TUBA1C: variants seen among roughly 807,000 people sequenced by gnomAD.
TUBA1C encodes the protein tubulin alpha 1c.
Under a neutral mutation model 34.9 loss-of-function variants are expected in TUBA1C, and 16 were observed. That is an observed-to-expected ratio of 0.46 (90% CI 0.31 to 0.70). The LOEUF (loss-of-function observed/expected upper bound fraction) is 0.70. Among genes scored for constraint, TUBA1C ranks in the 30% least tolerant of loss-of-function variants. The probability of loss-of-function intolerance (pLI) is 0.05; values close to 1 mark genes in which losing one functional copy is unlikely to be tolerated. For missense variants in TUBA1C, 329 were observed against 587.3 expected (o/e 0.56, Z 4.55); for synonymous variants, 177 against 215.9 (o/e 0.82, Z 1.58).
At chr12:49,228,830 C>T (rs1942465793) in intron 1 of TUBA1C, among the ~76,000 whole-genome samples, 1 of 152,102 alleles carries the variant, frequency 6.6e-6, no homozygotes, top group Non-Finnish European at 1.5e-5. Flanking sequence ...TTTTCCTATG[C>T]GTTATCTCAT....
chr12:49,247,112 CCTAGGCG>C (rs201110002), intron 1 of TUBA1C, among the ~76,000 whole-genome samples: 11,406 of 150,538 alleles, frequency 0.076, 535 homozygotes, highest in East Asian at 0.14. Flanking sequence ...TGCACTCCAC[CCTAGGCG>C]ATAGAGCAAG....
chr12:49,272,800 G>T lies in TUBA1C; in HGVS notation c.923G>T (p.Arg308Leu). 1 of 1,613,968 alleles carries T rather than the reference G, an allele frequency of 6.2e-7. No individual in the cohort carries two copies. Among genetic ancestry groups the T allele is most frequent in the South Asian group, 1.1e-5 (1 of 91,066 alleles). Residue 308 changes from arginine (R) to leucine (L), a missense_variant, in exon 4 of 4, where the codon CGC becomes CTC. Arg to Leu is a moderately radical substitution (Grantham distance 102). Coordinates refer to ENST00000301072, the MANE Select transcript of TUBA1C (RefSeq NM_032704.5). Reference protein sequence around the residue: ...PANQMVKCDPRHGKYMACCLL... With the variant: ...PANQMVKCDPLHGKYMACCLL... ...AACCAGATGGTGAAATGTGACCCTCGCCATGGTAAATACATGGCTTGCTGC... is the reference window on the plus strand; with the variant it reads ...AACCAGATGGTGAAATGTGACCCTCTCCATGGTAAATACATGGCTTGCTGC...
Position 49,272,828 on chromosome 12 carries a change from G to C in TUBA1C, c.951G>C (p.Leu317=). Residue 317 remains leucine (L), a synonymous_variant, in exon 4 of 4, where the codon CTG becomes CTC. Transcript: ENST00000301072. ...PRHGKYMACC[L]LYRGDVVPKD... is the part of the protein sequence containing the mutation. The stretch of plus-strand genomic sequence containing the variant: ...ATGGTAAATACATGGCTTGCTGCCT[G>C]TTATACCGTGGTGACGTGGTTCCCA... The C allele has an allele frequency of 6.2e-7, 1 of 1,614,158 alleles. No individual in the cohort carries two copies.
chr12:49,248,867 C>CAAAAAA (rs201685193), intron 1 of TUBA1C, among the ~76,000 whole-genome samples: 1 of 60,816 alleles, frequency 1.6e-5, no homozygotes, highest in Non-Finnish European at 3.8e-5. Flanking sequence ...GACTCCCTCT[C>CAAAAAA]AAAAAAAAAA....
rs1943013917 is a variant in TUBA1C at position 49,272,967 on chromosome 12, C to T, written c.1090C>T (p.Pro364Ser). The T allele has an allele frequency of 6.2e-7, 1 of 1,614,108 alleles. No homozygotes were observed. The highest frequency in any genetic ancestry group is 1.3e-5 in the African/African-American group (1 of 74,938). Reference protein sequence around the residue: ...GINYQPPTVVPGGDLAKVQRA... With the variant: ...GINYQPPTVVSGGDLAKVQRA... ...TAATTACCAGCCTCCCACTGTGGTG[C>T]CTGGCGGAGACCTGGCCAAGGTACA... Residue 364 changes from proline (P) to serine (S), a missense_variant, in exon 4 of 4, where the codon CCT becomes TCT. Pro to Ser is a moderately conservative substitution (Grantham distance 74, BLOSUM62 -1). Transcript: ENST00000301072.
intron 1 of TUBA1C, among the ~76,000 whole-genome samples, chr12:49,239,224 G>A (rs1942587530): frequency 1.3e-5 from 2 of 152,146 alleles, no homozygotes. Flanking sequence ...CAGGACAAAA[G>A]GCCTTTAACA....
Position 49,272,297 on chromosome 12 carries a change from C to G in TUBA1C, c.420C>G (p.Ser140Arg). Residue 140 changes from serine (S) to arginine (R), a missense_variant, in exon 4 of 4, where the codon AGC becomes AGG. Around this residue, in one of 4 missense-constraint regions of TUBA1C, gnomAD observed 152 missense variants for 240.3 expected, o/e 0.63. Transcript: ENST00000301072. ...TGLQGFLVFH[S>R]FGGGTGSGFT... ...TTCAGGGCTTCTTGGTTTTCCACAGCTTTGGTGGGGGAACTGGTTCTGGGT... is the reference window on the plus strand; with the variant it reads ...TTCAGGGCTTCTTGGTTTTCCACAGGTTTGGTGGGGGAACTGGTTCTGGGT... 15 of 1,613,952 alleles carry G rather than the reference C, an allele frequency of 9.3e-6. No homozygotes were observed. The highest frequency in any genetic ancestry group is 1.0e-5 in the Non-Finnish European group (12 of 1,179,936).
At chr12:49,238,691 G>A (rs1236726272) in intron 1 of TUBA1C, among the ~76,000 whole-genome samples, 3 of 152,154 alleles carry the variant, frequency 2.0e-5, no homozygotes, top group Non-Finnish European at 2.9e-5. Flanking sequence ...TAAAAAATTT[G>A]TTTACAGACA....
intron 1 of TUBA1C, 90 bp downstream of exon 1, chr12:49,265,274 C>A: frequency 1.8e-6 from 2 of 1,127,970 alleles, no homozygotes; most frequent in Non-Finnish European, 2.5e-6. Flanking sequence ...GGGCCGCGCC[C>A]AGGACAGCTC....
At chr12:49,257,024 A>G (rs897108076) in intron 1 of TUBA1C, among the ~76,000 whole-genome samples, 2 of 152,084 alleles carry the variant, frequency 1.3e-5, no homozygotes, top group South Asian at 4.2e-4. Context: ...TACTAAAAAT[A>G]CAAAAATTAG....
intron 1 of TUBA1C, among the ~76,000 whole-genome samples, chr12:49,246,496 G>C (rs1033321113): frequency 5.3e-5 from 8 of 151,470 alleles, no homozygotes; most frequent in Non-Finnish European, 8.8e-5. Flanking sequence ...TGGCTAACAC[G>C]GTGAAACCCC....
upstream of TUBA1C, among the ~76,000 whole-genome samples, chr12:49,262,273 C>T (rs552451508): frequency 6.6e-6 from 1 of 151,072 alleles, no homozygotes; most frequent in East Asian, 1.9e-4. Flanking sequence ...AAAGATTAGC[C>T]AGGCATGGTA....
upstream of TUBA1C, chr12:49,264,804 TCCC>T (rs1406983981): frequency 1.1e-4 from 4 of 35,202 alleles, no homozygotes; most frequent in Admixed American, 4.2e-4. Context: ...CTGCCCTTCC[TCCC>T]CTTCCTCCCC....
chr12:49,237,700 C>T lies in TUBA1C; in HGVS notation c.213+9534C>T, dbSNP rs572196964. 2.0e-4 allele frequency among the ~76,000 whole-genome samples: 30 copies of T among 148,814 alleles called. No homozygotes were observed. In the South Asian group the frequency reaches 4.9e-3, roughly 24 times the overall value. ...TTCGAGGGTGCAGTGAGTATGATCGCGCCACTGCACTCTGGCCTGGGTGAC... is the reference window on the plus strand; with the variant it reads ...TTCGAGGGTGCAGTGAGTATGATCGTGCCACTGCACTCTGGCCTGGGTGAC... On this transcript the variant is annotated intron_variant, in intron 1 of 3. Coordinates refer to the TUBA1C transcript ENST00000541364.
chr12:49,263,770 T>C (rs1294263291), upstream of TUBA1C, among the ~76,000 whole-genome samples: 1 of 152,232 alleles, frequency 6.6e-6, no homozygotes, highest in African/African-American at 2.4e-5. Flanking sequence ...TGAGAAACCT[T>C]GGCAGAGATG....
intron 1 of TUBA1C, among the ~76,000 whole-genome samples, chr12:49,244,149 CAAAA>C (rs35040535): frequency 2.0e-5 from 2 of 97,630 alleles, no homozygotes; most frequent in African/African-American, 3.5e-5. Flanking sequence ...GACTCTGTCT[CAAAA>C]AAAAAAAAAA....
At chr12:49,265,799 TA>T in intron 1 of TUBA1C, among the ~76,000 whole-genome samples, 1 of 152,318 alleles carries the variant, frequency 6.6e-6, no homozygotes, top group South Asian at 2.1e-4. Context: ...GGTAGGTTTA[TA>T]GCTGAAGCTT....
intron 1 of TUBA1C, among the ~76,000 whole-genome samples, chr12:49,231,697 T>TAGACAGACAGACAGACAGAC (rs541221185): frequency 6.6e-6 from 1 of 150,408 alleles, no homozygotes; most frequent in African/African-American, 2.5e-5. Flanking sequence ...GATAGATAGA[T>TAGACAGACAGACAGACAGAC]AGACAGACAG....
chr12:49,244,562 G>T (rs868518201), intron 1 of TUBA1C, among the ~76,000 whole-genome samples: 1 of 151,424 alleles, frequency 6.6e-6, no homozygotes, highest in Non-Finnish European at 1.5e-5. Flanking sequence ...TCCCAGAGAG[G>T]TATTTTTTTT....
Sources: allele counts gnomAD v4.1 joint callset (sites outside exome capture counted in the v4.1 genomes callset), GRCh38; gene constraint gnomAD v4.1.1; regional missense constraint gnomAD v4.1.1; transcripts MANE v1.5; gene names NCBI Gene and HGNC (gene_info 2026-07-23, HGNC 2026-07-21).